The following KCNMB2 variants were observed in gnomAD, a reference collection of about 807,000 sequenced individuals.
The protein encoded by KCNMB2 is calcium-activated potassium channel subunit beta-2.
KCNMB2 carries 9 observed loss-of-function variants against 24.5 expected under a neutral mutation model. That is an observed-to-expected ratio of 0.37 (90% confidence interval 0.22 to 0.64). KCNMB2 has a LOEUF of 0.64. KCNMB2 is among the 30% of genes least tolerant of loss of function. The pLI, the probability that KCNMB2 is intolerant of heterozygous loss-of-function variation, is 0.63. For synonymous variants in KCNMB2, 109 were observed against 104.4 expected (o/e 1.04, Z -0.27); for missense variants, 226 against 284.3 (o/e 0.79, Z 1.47).
At chr3:178,771,461 C>A (rs375296326) in intron 1 of KCNMB2, among the ~76,000 whole-genome samples, 56 of 129,340 alleles carry the variant, frequency 4.3e-4, no homozygotes, top group Non-Finnish European at 8.1e-4. Flanking sequence ...CTTTCTTTTT[C>A]TTTCTTTCTT....
intron 1 of KCNMB2, among the ~76,000 whole-genome samples, chr3:178,702,275 C>T (rs1264433839): frequency 9.4e-6 from 1 of 106,878 alleles, no homozygotes; most frequent in Admixed American, 1.4e-4. Context: ...CACACTAGGG[C>T]CTGTTGTGGG....
At chr3:178,575,012 G>A (rs1019864909) in intron 1 of KCNMB2, among the ~76,000 whole-genome samples, 3 of 152,124 alleles carry the variant, frequency 2.0e-5, no homozygotes, top group Admixed American at 2.0e-4. Flanking sequence ...AGGTTGCAGT[G>A]AGCCAAGATC....
At chr3:178,745,450 C>T (rs185919085) in intron 1 of KCNMB2, among the ~76,000 whole-genome samples, 35 of 152,270 alleles carry the variant, frequency 2.3e-4, no homozygotes, top group Admixed American at 8.5e-4. Flanking sequence ...TCCCACAACA[C>T]GTGGGAATTC....
At position 178,716,404 on chromosome 3, in the gene KCNMB2, A is replaced by G. The variant is rs147304801; in HGVS notation, c.-67-90939A>G. Among the ~76,000 whole-genome samples the G allele has an allele frequency of 1.1e-4, 16 of 152,024 alleles. No homozygotes were observed. In the East Asian group the frequency reaches 2.9e-3, roughly 28 times the overall value. The stretch of plus-strand genomic sequence containing the variant: ...AGAAAGATAATTCATCAGTGGTCAC[A>G]GAACTGGTAAGAGGTGGAGCCAGAA... On this transcript the variant is annotated intron_variant, in intron 1 of 4. Transcript: ENST00000452583.
At chr3:178,762,822 G>A (rs1398500669) in intron 1 of KCNMB2, among the ~76,000 whole-genome samples, 1 of 149,288 alleles carries the variant, frequency 6.7e-6, no homozygotes, top group African/African-American at 2.5e-5. Flanking sequence ...GAGAAACTGA[G>A]TAGATTGTAT....
At chr3:178,699,199 G>A (rs4560280) in intron 1 of KCNMB2, among the ~76,000 whole-genome samples, 47,908 of 152,124 alleles carry the variant, frequency 0.31, 8,037 homozygotes, top group African/African-American at 0.43. Context: ...TCCATGCCCT[G>A]CAAGCAGGAT....
intron 1 of KCNMB2, among the ~76,000 whole-genome samples, chr3:178,549,957 C>T (rs1041128896): frequency 7.9e-5 from 12 of 151,866 alleles, no homozygotes; most frequent in African/African-American, 2.9e-4. Flanking sequence ...TCTTTCTATC[C>T]CCTTGCATTA....
At chr3:178,692,489 A>G (rs1721716657) in intron 1 of KCNMB2, among the ~76,000 whole-genome samples, 2 of 152,194 alleles carry the variant, frequency 1.3e-5, no homozygotes, top group African/African-American at 4.8e-5. Flanking sequence ...AGCACCATTT[A>G]TTGAACAGGG....
chr3:178,826,998 C>T (rs764013825), intron 3 of KCNMB2, among the ~76,000 whole-genome samples: 3 of 152,156 alleles, frequency 2.0e-5, no homozygotes, highest in African/African-American at 4.8e-5. Context: ...CAGGAAAATA[C>T]AGTTTGCCAC....
chr3:178,663,243 C>G (rs1216396558), intron 1 of KCNMB2, among the ~76,000 whole-genome samples: 6 of 152,030 alleles, frequency 3.9e-5, no homozygotes, highest in African/African-American at 1.4e-4. Context: ...TTACCAATGT[C>G]CCAAACCTAG....
chr3:178,677,441 G>A (rs1159782833), intron 1 of KCNMB2, among the ~76,000 whole-genome samples: 1 of 152,154 alleles, frequency 6.6e-6, no homozygotes, highest in East Asian at 1.9e-4. Context: ...GGGCACGTGG[G>A]AAGTCCCCAC....
chr3:178,564,761 A>G (rs1716458310), intron 1 of KCNMB2, among the ~76,000 whole-genome samples: 1 of 152,240 alleles, frequency 6.6e-6, no homozygotes, highest in Non-Finnish European at 1.5e-5. Context: ...ATCCAAATCT[A>G]TCAAAAACTT....
chr3:178,634,090 A>G (rs1719426845), intron 1 of KCNMB2, among the ~76,000 whole-genome samples: 1 of 152,196 alleles, frequency 6.6e-6, no homozygotes. Flanking sequence ...ACATGTCTCT[A>G]CAAAATTTCA....
At chr3:178,679,536 C>A (rs1251047605) in intron 1 of KCNMB2, among the ~76,000 whole-genome samples, 1 of 152,194 alleles carries the variant, frequency 6.6e-6, no homozygotes, top group Admixed American at 6.5e-5. Flanking sequence ...TGCACATGTA[C>A]ATACATGATT....
At chr3:178,743,781 A>T in intron 1 of KCNMB2, among the ~76,000 whole-genome samples, 1 of 152,216 alleles carries the variant, frequency 6.6e-6, no homozygotes. Flanking sequence ...ATGGCGCTAT[A>T]AGCTCCAGCA....
rs71181241 is a variant in KCNMB2 at position 178,691,107 on chromosome 3, C to CTTTTTTTTTTTTTTTTTT, written c.-67-116233_-67-116216dup. 4.4e-4 allele frequency among the ~76,000 whole-genome samples: 35 copies of CTTTTTTTTTTTTTTTTTT among 79,734 alleles called. 5 individuals are homozygous for CTTTTTTTTTTTTTTTTTT. The highest frequency in any genetic ancestry group is 6.1e-4 in the African/African-American group (10 of 16,306). 52.3% of individuals were successfully genotyped at this position (79,734 alleles called of 152,430 possible). ...TGTACAGCATAATTCCCCATTAAGTCTTTTTTTTTTTTTTTTTTTTGATAG... is the reference window on the plus strand; with the variant it reads ...TGTACAGCATAATTCCCCATTAAGTCTTTTTTTTTTTTTTTTTTTTTTTTTTTTTTTTTTTTTTGATAG... On this transcript the variant is annotated intron_variant, in intron 1 of 4. Transcript: ENST00000452583.
At chr3:178,719,652 C>T (rs1722730507) in intron 1 of KCNMB2, among the ~76,000 whole-genome samples, 4 of 152,164 alleles carry the variant, frequency 2.6e-5, no homozygotes, top group Admixed American at 2.0e-4. Flanking sequence ...TCAAAAATAC[C>T]ATTGCAAACT....
intron 4 of KCNMB2, among the ~76,000 whole-genome samples, chr3:178,830,388 G>A (rs1480700218): frequency 6.6e-6 from 1 of 151,962 alleles, no homozygotes; most frequent in Non-Finnish European, 1.5e-5. Context: ...TCTATAGTTT[G>A]GGACTACTAC....
At chr3:178,685,118 C>G (rs1399752228) in intron 1 of KCNMB2, among the ~76,000 whole-genome samples, 1 of 152,084 alleles carries the variant, frequency 6.6e-6, no homozygotes, top group Non-Finnish European at 1.5e-5. Context: ...GGTGAGAGGC[C>G]ACAAACTGAG....
Sources: allele counts gnomAD v4.1 joint callset (sites outside exome capture counted in the v4.1 genomes callset), GRCh38; gene constraint gnomAD v4.1.1; transcripts MANE v1.5; gene names NCBI Gene and HGNC (gene_info 2026-07-23, HGNC 2026-07-21).